Variants in TNR observed in about 807,000 individuals in gnomAD.
The protein encoded by TNR is tenascin-R.
A neutral mutation model predicts 150.4 loss-of-function variants in TNR; 45 were observed. The ratio of observed to expected loss-of-function variants is 0.30; its 90% CI spans 0.24 to 0.38. TNR has a LOEUF of 0.38. Among genes scored for constraint, TNR ranks in the 10% least tolerant of loss-of-function variants. TNR has a pLI of 1.00. For missense variants in TNR, 1,544 were observed against 1,759.1 expected (o/e 0.88, Z 2.19); for synonymous variants, 687 against 678.4 (o/e 1.01, Z -0.20).
At position 175,363,724 on chromosome 1, in the gene TNR, T is replaced by C. The variant is rs776189350; in HGVS notation, c.2691A>G (p.Ser897=). 1 of 1,613,696 alleles carries C rather than the reference T, an allele frequency of 6.2e-7. No homozygotes were observed. The highest frequency in any genetic ancestry group is 2.2e-5 in the East Asian group (1 of 44,848). Residue 897 remains serine (S), a synonymous_variant, in exon 13 of 23, where the codon TCA becomes TCG. Transcript: ENST00000367674. The part of the protein sequence containing the change: ...PVASFDYYRV[S]YRPTQVGRLD... The stretch of plus-strand genomic sequence containing the variant: ...CTTTGTTACCTTGGGTGGGTCGATA[T>C]GATACTCGGTAGTAATCGAAAGATG...
chr1:175,698,006 T>C (rs1213518317), intron 1 of TNR, among the ~76,000 whole-genome samples: 1 of 152,250 alleles, frequency 6.6e-6, no homozygotes, highest in Non-Finnish European at 1.5e-5. Context: ...CCTTCTCCAC[T>C]AAAATATTTC....
chr1:175,683,411 G>GATT, intron 1 of TNR, among the ~76,000 whole-genome samples: 1 of 152,174 alleles, frequency 6.6e-6, no homozygotes, highest in East Asian at 1.9e-4. Context: ...CCAAGTCAGA[G>GATT]CTGCTTTTAC....
At chr1:175,653,766 C>T (rs1665087305) in intron 1 of TNR, among the ~76,000 whole-genome samples, 3 of 152,168 alleles carry the variant, frequency 2.0e-5, no homozygotes, top group African/African-American at 7.2e-5. Context: ...ATTTGTTATT[C>T]ACTTTCTAAG....
intron 1 of TNR, among the ~76,000 whole-genome samples, chr1:175,542,358 C>T (rs1660536376): frequency 6.6e-6 from 1 of 152,132 alleles, no homozygotes; most frequent in Non-Finnish European, 1.5e-5. Context: ...GGCATTTAGC[C>T]CACCTCGGGT....
intron 1 of TNR, among the ~76,000 whole-genome samples, chr1:175,733,569 G>A (rs1558096482): frequency 6.6e-6 from 1 of 152,116 alleles, no homozygotes; most frequent in Non-Finnish European, 1.5e-5. Flanking sequence ...GAAAAAAAGG[G>A]GTAGGGGTAG....
At chr1:175,408,528 G>C (rs1654062809) in intron 2 of TNR, among the ~76,000 whole-genome samples, 1 of 152,168 alleles carries the variant, frequency 6.6e-6, no homozygotes, top group South Asian at 2.1e-4. Context: ...TTCCAATATG[G>C]ACAGGGAGCA....
intron 1 of TNR, among the ~76,000 whole-genome samples, chr1:175,729,723 T>C (rs1437638951): frequency 6.6e-6 from 1 of 152,164 alleles, no homozygotes; most frequent in Non-Finnish European, 1.5e-5. Flanking sequence ...TGAAACTATC[T>C]AGAATGAATG....
At chr1:175,694,570 A>G (rs1558076674) in intron 1 of TNR, among the ~76,000 whole-genome samples, 1 of 152,226 alleles carries the variant, frequency 6.6e-6, no homozygotes, top group Non-Finnish European at 1.5e-5. Context: ...TGCTGTAACA[A>G]TAAATACCAA....
At chr1:175,427,891 TTCCTTC>T (rs1655084679) in intron 2 of TNR, among the ~76,000 whole-genome samples, 1 of 104,106 alleles carries the variant, frequency 9.6e-6, no homozygotes, top group African/African-American at 5.1e-5. Flanking sequence ...CCTTCTTCGC[TTCCTTC>T]CTTCCTTCCT....
chr1:175,695,074 T>C (rs1285331942), intron 1 of TNR, among the ~76,000 whole-genome samples: 1 of 152,200 alleles, frequency 6.6e-6, no homozygotes, highest in African/African-American at 2.4e-5. Flanking sequence ...TCCCCTTGGG[T>C]GTGGGCTACA....
chr1:175,593,125 A>G (rs1662868715), intron 1 of TNR, among the ~76,000 whole-genome samples: 1 of 152,208 alleles, frequency 6.6e-6, no homozygotes. Context: ...TCTTTATGGA[A>G]GGGCATTAAG....
At chr1:175,564,414 G>T (rs1661554968) in intron 1 of TNR, among the ~76,000 whole-genome samples, 1 of 152,238 alleles carries the variant, frequency 6.6e-6, no homozygotes, top group Non-Finnish European at 1.5e-5. Flanking sequence ...CCCTCGTCAA[G>T]AGCCTTAGAA....
At chr1:175,390,777 C>G (rs1256887056) in intron 7 of TNR, among the ~76,000 whole-genome samples, 1 of 152,258 alleles carries the variant, frequency 6.6e-6, no homozygotes, top group Non-Finnish European at 1.5e-5. Context: ...TGAGCACTCA[C>G]TCTCATCAGC....
chr1:175,450,055 C>G (rs1656232371), intron 2 of TNR, among the ~76,000 whole-genome samples: 1 of 152,214 alleles, frequency 6.6e-6, no homozygotes, highest in Admixed American at 6.5e-5. Context: ...CTTCTACCAT[C>G]TGGCTTTAGG....
At chr1:175,496,024 T>A (rs577232783) in intron 2 of TNR, among the ~76,000 whole-genome samples, 55 of 152,286 alleles carry the variant, frequency 3.6e-4, no homozygotes, top group Admixed American at 1.4e-3. Context: ...CTGGCTGATG[T>A]TTAACATCCC....
At chr1:175,377,090 C>T (rs1652425986) in intron 9 of TNR, among the ~76,000 whole-genome samples, 1 of 152,030 alleles carries the variant, frequency 6.6e-6, no homozygotes, top group Non-Finnish European at 1.5e-5. Flanking sequence ...CACAGCTGTG[C>T]CCCTTGCTAG....
At chr1:175,354,665 G>A (rs1255578695) in intron 17 of TNR, 142 bp from the exon 18 acceptor site, 1 of 1,118,276 alleles carries the variant, frequency 8.9e-7, no homozygotes, top group East Asian at 2.4e-5. Flanking sequence ...CCCACAATAA[G>A]GATTACTGCA....
intron 1 of TNR, among the ~76,000 whole-genome samples, chr1:175,694,139 T>C (rs1402278518): frequency 6.6e-6 from 1 of 152,190 alleles, no homozygotes; most frequent in Non-Finnish European, 1.5e-5. Flanking sequence ...GAATCCAATA[T>C]TTACAGTCTA....
intron 1 of TNR, among the ~76,000 whole-genome samples, chr1:175,726,029 G>A (rs1331985751): frequency 6.6e-6 from 1 of 152,214 alleles, no homozygotes; most frequent in Non-Finnish European, 1.5e-5. Flanking sequence ...GTGTTTAGGA[G>A]CCACCCTGAG....
Sources: allele counts gnomAD v4.1 joint callset (sites outside exome capture counted in the v4.1 genomes callset), GRCh38; gene constraint gnomAD v4.1.1; transcripts MANE v1.5; gene names NCBI Gene and HGNC (gene_info 2026-07-23, HGNC 2026-07-21).